Variants in PTPRN2 observed in about 807,000 individuals in gnomAD.
The protein encoded by PTPRN2 is receptor-type tyrosine-protein phosphatase N2.
In PTPRN2, 74 loss-of-function variants were observed where a neutral mutation model predicts 118.8. The observed-to-expected ratio is 0.62, with a 90% CI of 0.52 to 0.76. The LOEUF (loss-of-function observed/expected upper bound fraction) is 0.76, where lower values mean the gene tolerates loss of function less well. Among genes scored for constraint, PTPRN2 ranks in the 30% least tolerant of loss-of-function variants. The pLI is 0.00. For synonymous variants in PTPRN2, 641 were observed against 608.0 expected, an observed-to-expected ratio of 1.05 and a Z score of -0.80; for missense variants, 1,481 against 1,394.4, an observed-to-expected ratio of 1.06 and a Z score of -0.99.
At chr7:158,156,258 AT>A (rs932823681) in intron 6 of PTPRN2, among the ~76,000 whole-genome samples, 20 of 152,330 alleles carry the variant, frequency 1.3e-4, no homozygotes, top group African/African-American at 4.3e-4. Flanking sequence ...GAAGAAAAAA[AT>A]ATATCCAATT....
intron 1 of PTPRN2, among the ~76,000 whole-genome samples, chr7:158,581,819 C>G (rs763024112): frequency 5.8e-4 from 88 of 152,246 alleles, no homozygotes; most frequent in Non-Finnish European, 1.0e-3. Context: ...GTTACACACA[C>G]AGAAGCCGTT....
intron 2 of PTPRN2, among the ~76,000 whole-genome samples, chr7:158,437,347 A>G (rs1816639938): frequency 6.6e-6 from 1 of 152,234 alleles, no homozygotes; most frequent in Admixed American, 6.5e-5. Context: ...TTTCTTGAAC[A>G]TATCAACCAC....
At chr7:157,889,220 GTCA>G (rs2151302619) in intron 12 of PTPRN2, among the ~76,000 whole-genome samples, 1 of 152,042 alleles carries the variant, frequency 6.6e-6, no homozygotes, top group East Asian at 1.9e-4. Flanking sequence ...CAGGATGAAG[GTCA>G]GACCCGCCTG....
rs557193265 is a variant in PTPRN2, at chr7:157,929,112, G to A, written c.1724-30375C>T. Among the ~76,000 whole-genome samples the A allele has an allele frequency of 1.3e-5, 2 of 152,134 alleles. No individual in the cohort carries two copies. The highest frequency in any genetic ancestry group is 4.1e-4 in the South Asian group (2 of 4,832). ...GTTGTGAAATAAGGATCAGTGAAACGGTGAGACCATTCCTTCCACCCTTGT... is the reference window on the plus strand; with the variant it reads ...GTTGTGAAATAAGGATCAGTGAAACAGTGAGACCATTCCTTCCACCCTTGT... On this transcript the variant is annotated intron_variant, in intron 11 of 22. Transcript: ENST00000389418. The surrounding 1 kb of genome is among the most constrained non-coding windows in gnomAD (Gnocchi z 4.4).
At position 157,784,284 on chromosome 7, in the gene PTPRN2, G is replaced by T. The variant is rs990650715; in HGVS notation, c.1789-101347C>A. ...TCTCAGGAGGCCAAGTGGGGGGCCT[G>T]CCCCCACCTCTGGGGTCTCAGCATC... is the stretch of plus-strand genomic sequence containing the variant. On this transcript the variant is annotated intron_variant, in intron 12 of 22. Coordinates refer to ENST00000389418, the MANE Select transcript of PTPRN2 (RefSeq NM_002847.5). The surrounding 1 kb of genome is among the most constrained non-coding windows in gnomAD (Gnocchi z 4.6). Among the ~76,000 whole-genome samples, 1 of 152,148 alleles carries T rather than the reference G, an allele frequency of 6.6e-6. No homozygotes were observed. Among genetic ancestry groups the T allele is most frequent in the Admixed American group, 6.5e-5 (1 of 15,286 alleles).
chr7:158,250,126 T>G (rs762856896), intron 3 of PTPRN2, among the ~76,000 whole-genome samples: 1 of 152,138 alleles, frequency 6.6e-6, no homozygotes, highest in Non-Finnish European at 1.5e-5. Context: ...TCTAAATGCT[T>G]CACATATTTA....
chr7:157,672,591 C>T (rs1563330186), intron 13 of PTPRN2, among the ~76,000 whole-genome samples: 2 of 152,186 alleles, frequency 1.3e-5, no homozygotes, highest in Non-Finnish European at 2.9e-5. Flanking sequence ...GTCCACTCTC[C>T]TGCATCATCG....
chr7:158,171,193 C>CAT (rs1185342868), intron 5 of PTPRN2, among the ~76,000 whole-genome samples: 4 of 112,730 alleles, frequency 3.5e-5, no homozygotes, highest in African/African-American at 1.3e-4. Context: ...TACACACATA[C>CAT]ATATATATAC....
chr7:157,886,987 G>A (rs1796490887), intron 12 of PTPRN2, among the ~76,000 whole-genome samples: 2 of 152,022 alleles, frequency 1.3e-5, no homozygotes, highest in Non-Finnish European at 2.9e-5. Flanking sequence ...CCTGTCCTGG[G>A]GCCTTCGAGG....
rs1250526200 is a variant in PTPRN2, at chr7:157,616,078, C to T, written c.2344+5284G>A. On this transcript the variant is annotated intron_variant, in intron 15 of 22. Coordinates refer to ENST00000389418, the MANE Select transcript of PTPRN2 (RefSeq NM_002847.5). ...ACGGTGAGCCCGGCTGCTGCCACCC[C>T]GAAGGCCAGGCTCGCCCCACACTGT... 7 of 172,654 alleles carry T rather than the reference C, an allele frequency of 4.1e-5. No individual in the cohort carries two copies. The East Asian group carries it at 6.6e-4, about 16-fold the overall frequency. The allele number at this position is 172,654 out of a possible 1,614,324, so 10.7% of individuals were successfully genotyped here. A position where few individuals can be genotyped will look rare whatever the true frequency, so the allele number is the denominator to read the frequency against.
chr7:158,201,270 T>C (rs961437013), intron 4 of PTPRN2, among the ~76,000 whole-genome samples: 1 of 152,094 alleles, frequency 6.6e-6, no homozygotes, highest in African/African-American at 2.4e-5. Flanking sequence ...TTAAAAACCA[T>C]AATAGTGAGA....
intron 11 of PTPRN2, among the ~76,000 whole-genome samples, chr7:157,993,406 G>A (rs1435093443): frequency 6.6e-6 from 1 of 151,806 alleles, no homozygotes; most frequent in African/African-American, 2.4e-5. Flanking sequence ...CCTGGTCAGA[G>A]CCAGGACATA....
chr7:158,283,443 G>C (rs971361213), intron 3 of PTPRN2, among the ~76,000 whole-genome samples: 5 of 152,204 alleles, frequency 3.3e-5, no homozygotes, highest in Admixed American at 1.3e-4. Context: ...CCACCACTGA[G>C]AGGGTAACCA....
intron 11 of PTPRN2, among the ~76,000 whole-genome samples, chr7:157,926,155 CCTCT>C (rs1798976118): frequency 6.6e-6 from 1 of 150,876 alleles, no homozygotes; most frequent in Non-Finnish European, 1.5e-5. Flanking sequence ...GCGTTACCTC[CCTCT>C]ATCTGTCCAC....
chr7:157,939,995 G>A (rs752046599), intron 11 of PTPRN2, among the ~76,000 whole-genome samples: 5 of 152,190 alleles, frequency 3.3e-5, no homozygotes, highest in Non-Finnish European at 5.9e-5. Context: ...AGGTGTCGCC[G>A]CATGGGCAGC....
chr7:157,814,811 C>T (rs1377136860), intron 12 of PTPRN2, among the ~76,000 whole-genome samples: 1 of 152,204 alleles, frequency 6.6e-6, no homozygotes, highest in Non-Finnish European at 1.5e-5. Context: ...GAATTGGCTT[C>T]TTGTCACAGA....
At chr7:158,051,890 TA>T (rs1389165120) in intron 11 of PTPRN2, among the ~76,000 whole-genome samples, 1 of 152,112 alleles carries the variant, frequency 6.6e-6, no homozygotes, top group Admixed American at 6.5e-5. Flanking sequence ...ACACAAAAGC[TA>T]AGATTTAAAT....
intron 2 of PTPRN2, among the ~76,000 whole-genome samples, chr7:158,440,908 A>ATAG: frequency 7.7e-6 from 1 of 129,194 alleles, no homozygotes; most frequent in South Asian, 2.6e-4. Context: ...GGTGACGGTG[A>ATAG]TGATGATGGT....
intron 11 of PTPRN2, among the ~76,000 whole-genome samples, chr7:157,920,392 C>T (rs1265665443): frequency 5.3e-5 from 8 of 152,200 alleles, no homozygotes; most frequent in African/African-American, 1.7e-4. Context: ...CAGCACCAAG[C>T]GCAGTTCACA....
Sources: allele counts gnomAD v4.1 joint callset (sites outside exome capture counted in the v4.1 genomes callset), GRCh38; gene constraint gnomAD v4.1.1; non-coding constraint Gnocchi (gnomAD v3.1); transcripts MANE v1.5; gene names NCBI Gene and HGNC (gene_info 2026-07-23, HGNC 2026-07-21).